MUC12: variants seen among roughly 807,000 people sequenced by gnomAD.
MUC12 encodes the protein mucin 12, cell surface associated.
In MUC12, 172 loss-of-function variants were observed where a neutral mutation model predicts 230.8. The observed-to-expected ratio is 0.75, with a 90% CI of 0.66 to 0.85. The LOEUF (loss-of-function observed/expected upper bound fraction) is 0.85, where lower values mean the gene tolerates loss of function less well. Ranked by LOEUF, MUC12 falls within the 40% of genes least tolerant of loss-of-function variation. The pLI is 0.00. For synonymous variants in MUC12, 1,259 were observed against 2,401.9 expected (o/e 0.52, Z 13.91); for missense variants, 3,506 against 5,920.6 (o/e 0.59, Z 13.38).
intron 1 of MUC12, among the ~76,000 whole-genome samples, chr7:100,982,600 C>G (rs1025386715): frequency 2.6e-5 from 4 of 151,904 alleles, no homozygotes; most frequent in Non-Finnish European, 4.4e-5. Context: ...CCACGCCTGA[C>G]TAATTTTTTG....
rs1182002844 is a variant in MUC12 at position 101,005,266 on chromosome 7, T to C, written c.14703T>C (p.Ile4901=). 1.4e-5 allele frequency: 22 copies of C among 1,537,754 alleles called. No homozygotes were observed. The Admixed American group carries it at 1.8e-4, about 12-fold the overall frequency. ...VLPATLTTTD[I]GQESTAFHSS... ...CTGCCACCCTCACAACCACAGACAT[T>C]GGTCAGGAATCAACAGCCTTCCACA... The change falls in exon 2 of 12, where the codon ATT becomes ATC. Residue 4901 remains isoleucine (I), a synonymous_variant. Transcript: ENST00000536621.
Position 100,995,844 on chromosome 7 carries a change from A to T in MUC12, c.5281A>T (p.Thr1761Ser). ...AACAACACCCTCGCCTGCCCGCTCC[A>T]CAACCTCAGGCCTCGTTGAAGAATC... ...TATTPSPARSTTSGLVEESTA... is the reference protein window; with the variant it reads ...TATTPSPARSSTSGLVEESTA... The change falls in exon 2 of 12, where the codon ACA becomes TCA. Residue 1761 changes from threonine to serine, a missense_variant. Coordinates refer to ENST00000536621, the MANE Select transcript of MUC12 (RefSeq NM_001164462.2). 2 of 1,460,322 alleles carry T rather than the reference A, an allele frequency of 1.4e-6. No individual in the cohort carries two copies. The highest frequency in any genetic ancestry group is 1.8e-6 in the Non-Finnish European group (2 of 1,089,612). The allele number at this position is 1,460,322 out of a possible 1,614,324, so 90.5% of individuals were successfully genotyped here. A position where few individuals can be genotyped will look rare whatever the true frequency, so the allele number is the denominator to read the frequency against.
At chr7:100,971,188 A>AAAAC (rs1554464580) in intron 1 of MUC12, among the ~76,000 whole-genome samples, 5 of 19,596 alleles carry the variant, frequency 2.6e-4, no homozygotes, top group Admixed American at 1.2e-3. Flanking sequence ...AAACAAAAAA[A>AAAAC]AAACAAACCG....
chr7:101,008,877 A>G, intron 4 of MUC12, 116 bp downstream of exon 4: 2 of 1,360,490 alleles, frequency 1.5e-6, no homozygotes, highest in East Asian at 5.0e-5. Flanking sequence ...CCTCCCTACC[A>G]GTCTCCCTAA....
rs1207810645 is a variant in MUC12, at chr7:101,004,631, C to A, written c.14068C>A (p.Pro4690Thr). ...GGAATCAACAGCATCCCACAGCAGC[C>A]CAGATACAAATGGAATCACACCCTT... ...SEESTASHSS[P>T]DTNGITPLPA... Residue 4690 changes from proline (P) to threonine (T), a missense_variant, in exon 2 of 12, where the codon CCA (proline) becomes ACA (threonine). Physicochemically the swap from Pro to Thr is conservative, Grantham distance 38 (BLOSUM62 -1). Transcript: ENST00000536621. The A allele has an allele frequency of 2.6e-6, 4 of 1,537,272 alleles. No individual in the cohort carries two copies. The South Asian group carries it at 3.6e-5, about 14-fold the overall frequency.
rs955716342 is a variant in MUC12, at chr7:100,990,887, A to G, written c.324A>G (p.Glu108=). 1 of 1,537,822 alleles carries G rather than the reference A, an allele frequency of 6.5e-7. No individual in the cohort carries two copies. The highest frequency in any genetic ancestry group is 1.4e-5 in the African/African-American group (1 of 73,114). ...SHSATSVFVG[E]PKTSPITSAS... ...CTGCAACCTCAGTTTTTGTTGGAGA[A>G]CCTAAAACCTCACCCATCACTTCAG... Residue 108 remains glutamate, a synonymous_variant, in exon 2 of 12, where the codon GAA becomes GAG. Transcript: ENST00000536621.
intron 1 of MUC12, among the ~76,000 whole-genome samples, chr7:100,976,316 A>C (rs1793029995): frequency 6.6e-6 from 1 of 151,288 alleles, no homozygotes; most frequent in Admixed American, 6.6e-5. Flanking sequence ...TAAAAATTGC[A>C]AATATTCGGC....
Position 101,009,169 on chromosome 7 carries a change from T to C in MUC12, c.15251+10T>C, listed in dbSNP as rs905967988. ...ACATTCGGAGATTGCTGTGAGTATA[T>C]TGGGGGGCAGGTTTATAGATGTGGG... On this transcript the variant is annotated intron_variant, in intron 5 of 11. Coordinates refer to ENST00000536621, the MANE Select transcript of MUC12 (RefSeq NM_001164462.2). The C allele has an allele frequency of 3.3e-6, 5 of 1,537,394 alleles. No individual in the cohort carries two copies. The highest frequency in any genetic ancestry group is 2.0e-5 in the Admixed American group (1 of 51,002).
rs1209080258 is a variant in MUC12 at position 100,990,981 on chromosome 7, T to A, written c.418T>A (p.Phe140Ile). 1.2e-5 allele frequency: 18 copies of A among 1,537,864 alleles called. No homozygotes were observed. The South Asian group carries it at 1.9e-4, about 16-fold the overall frequency. The change falls in exon 2 of 12, where the codon TTC becomes ATC. Residue 140 changes from phenylalanine to isoleucine, a missense_variant. By Grantham distance (21) the Phe-to-Ile change is conservative (BLOSUM62 0). Coordinates refer to ENST00000536621, the MANE Select transcript of MUC12 (RefSeq NM_001164462.2). The part of the protein sequence containing the change: ...TAGLSEKSTT[F>I]YSSPRSPDRT... Reference sequence around the variant, plus strand: ...AGGCCTGAGTGAGAAATCTACCACCTTCTACAGTAGCCCCAGATCACCAGA... The same window carrying A: ...AGGCCTGAGTGAGAAATCTACCACCATCTACAGTAGCCCCAGATCACCAGA...
Position 101,004,545 on chromosome 7 carries a change from G to T in MUC12, c.13982G>T (p.Ser4661Ile), listed in dbSNP as rs1793697614. Residue 4661 changes from serine to isoleucine, a missense_variant, in exon 2 of 12, where the codon AGC (serine) becomes ATC (isoleucine). Physicochemically the swap from Ser to Ile is moderately radical, Grantham distance 142 (BLOSUM62 -2). Coordinates refer to ENST00000536621, the MANE Select transcript of MUC12 (RefSeq NM_001164462.2). ...GAAGAACCTACCAGCTACCACAGCAGCCCGGGCTCAATTGCAACAACACAC... is the reference window on the plus strand; with the variant it reads ...GAAGAACCTACCAGCTACCACAGCATCCCGGGCTCAATTGCAACAACACAC... ...LVEEPTSYHSSPGSIATTHFP... is the reference protein window; with the variant it reads ...LVEEPTSYHSIPGSIATTHFP... 6.5e-7 allele frequency: 1 copy of T among 1,537,090 alleles called. No individual in the cohort carries two copies. Among genetic ancestry groups the T allele is most frequent in the Middle Eastern group, 1.7e-4 (1 of 5,994 alleles).
rs773530213 is a variant in MUC12, at chr7:100,993,306, G to C, written c.2743G>C (p.Gly915Arg). ...ATCAACAACTTCCCACAGCAGCTCAGGTTCAACTGACACAGCACTGTCCCC... is the reference window on the plus strand; with the variant it reads ...ATCAACAACTTCCCACAGCAGCTCACGTTCAACTGACACAGCACTGTCCCC... ...QESTTSHSSSGSTDTALSPGS... is the reference protein window; with the variant it reads ...QESTTSHSSSRSTDTALSPGS... Residue 915 changes from glycine (G) to arginine (R), a missense_variant, in exon 2 of 12, where the codon GGT becomes CGT. Coordinates refer to ENST00000536621, the MANE Select transcript of MUC12 (RefSeq NM_001164462.2). 3 of 907,028 alleles carry C rather than the reference G, an allele frequency of 3.3e-6. 1 individual carries two copies. The South Asian group carries it at 4.7e-5, about 14-fold the overall frequency. The allele number at this position is 907,028 out of a possible 1,614,324, so 56.2% of individuals were successfully genotyped here.
At position 100,992,310 on chromosome 7, in the gene MUC12, C is replaced by G. The variant is rs10953312; in HGVS notation, c.1747C>G (p.Arg583Gly). Residue 583 changes from arginine to glycine, a missense_variant, in exon 2 of 12, where the codon CGC (arginine) becomes GGC (glycine). By Grantham distance (125) the Arg-to-Gly change is moderately radical (BLOSUM62 -2). Coordinates refer to ENST00000536621, the MANE Select transcript of MUC12 (RefSeq NM_001164462.2). Reference sequence around the variant, plus strand: ...TCCAGAATATACTACCTTCCACAGCCGCCCAGGCTCCACTGAAACAACACT... The same window carrying G: ...TCCAGAATATACTACCTTCCACAGCGGCCCAGGCTCCACTGAAACAACACT... ...LGPEYTTFHS[R>G]PGSTETTLLP... 1,021 of 1,537,016 alleles carry G rather than the reference C, an allele frequency of 6.6e-4. 7 individuals are homozygous for G. In the East Asian group the frequency reaches 0.013, roughly 19 times the overall value.
chr7:100,975,098 T>A (rs372813097), intron 1 of MUC12, among the ~76,000 whole-genome samples: 56 of 152,294 alleles, frequency 3.7e-4, no homozygotes, highest in African/African-American at 1.0e-3. Context: ...CTGAGGCTCC[T>A]GGAATGGGGA....
Position 101,005,192 on chromosome 7 carries a change from C to G in MUC12, c.14629C>G (p.Gln4877Glu), listed in dbSNP as rs762116545. The change falls in exon 2 of 12, where the codon CAA becomes GAA. Residue 4877 changes from glutamine to glutamate, a missense_variant. Gln to Glu is a conservative substitution (Grantham distance 29). Coordinates refer to ENST00000536621, the MANE Select transcript of MUC12 (RefSeq NM_001164462.2). Reference protein sequence around the residue: ...HSNTMSIHSQQSTPFPDSPGF... With the variant: ...HSNTMSIHSQESTPFPDSPGF... ...CAACACAATGTCCATTCATAGTCAA[C>G]AATCTACACCCTTCCCTGACAGCCC... The G allele has an allele frequency of 1.2e-5, 18 of 1,537,342 alleles. No homozygotes were observed. Among genetic ancestry groups the G allele is most frequent in the Non-Finnish European group, 1.4e-5 (16 of 1,146,950 alleles).
rs11772963 is a variant in MUC12 at position 101,004,639 on chromosome 7, A to C, written c.14076A>C (p.Thr4692=). 782,432 of 1,537,408 alleles carry C rather than the reference A, an allele frequency of 0.51. 201,007 individuals are homozygous for C. Among genetic ancestry groups the C allele is most frequent in the East Asian group, 0.6 (24,433 of 40,890 alleles). The change falls in exon 2 of 12, where the codon ACA becomes ACC. Residue 4692 remains threonine (T), a synonymous_variant. Coordinates refer to ENST00000536621, the MANE Select transcript of MUC12 (RefSeq NM_001164462.2). Reference sequence around the variant, plus strand: ...CAGCATCCCACAGCAGCCCAGATACAAATGGAATCACACCCTTACCTGCCC... The same window carrying C: ...CAGCATCCCACAGCAGCCCAGATACCAATGGAATCACACCCTTACCTGCCC... ...ESTASHSSPD[T]NGITPLPAHF...
chr7:100,970,315 C>T (rs543801066), intron 1 of MUC12, among the ~76,000 whole-genome samples: 5 of 152,114 alleles, frequency 3.3e-5, no homozygotes, highest in Admixed American at 6.5e-5. Context: ...GGTGAAACCC[C>T]GTCTCTACTA....
intron 1 of MUC12, among the ~76,000 whole-genome samples, chr7:100,990,166 C>T (rs146389032): frequency 1.2e-3 from 183 of 152,312 alleles, no homozygotes; most frequent in African/African-American, 3.9e-3. Flanking sequence ...CCAGGACACA[C>T]GGCAAGAAGT....
Position 101,005,002 on chromosome 7 carries a change from C to G in MUC12, c.14439C>G (p.Ile4813Met). 3.9e-6 allele frequency: 6 copies of G among 1,537,712 alleles called. No individual in the cohort carries two copies. Among genetic ancestry groups the G allele is most frequent in the South Asian group, 1.2e-5 (1 of 84,058 alleles). Residue 4813 changes from isoleucine to methionine, a missense_variant, in exon 2 of 12, where the codon ATC (isoleucine) becomes ATG (methionine). Transcript: ENST00000536621. The stretch of plus-strand genomic sequence containing the variant: ...AGACAACACTGTCCCCTGGCAGCAT[C>G]ACAACTTCATCTTTTGCTCAAGAAT... ...STETTLSPGS[I>M]TTSSFAQEFT... is the part of the protein sequence containing the mutation.
chr7:100,985,852 C>T (rs1793179468), intron 1 of MUC12, among the ~76,000 whole-genome samples: 1 of 152,088 alleles, frequency 6.6e-6, no homozygotes, highest in Non-Finnish European at 1.5e-5. Context: ...GAAGGAACGC[C>T]TGCGTGAGCC....
Sources: allele counts gnomAD v4.1 joint callset (sites outside exome capture counted in the v4.1 genomes callset), GRCh38; gene constraint gnomAD v4.1.1; transcripts MANE v1.5; gene names NCBI Gene and HGNC (gene_info 2026-07-23, HGNC 2026-07-21).